Variants in SH3PXD2A observed in about 807,000 individuals in gnomAD.
SH3PXD2A encodes SH3 and PX domains 2A, also known as SH3 and PX domain-containing protein 2A.
SH3PXD2A carries 32 observed loss-of-function variants against 115.2 expected under a neutral mutation model. The observed-to-expected ratio is 0.28, with a 90% CI of 0.21 to 0.37. The LOEUF (loss-of-function observed/expected upper bound fraction) is 0.37. Ranked by LOEUF, SH3PXD2A falls within the 10% of genes least tolerant of loss-of-function variation. The pLI is 1.00. For synonymous variants in SH3PXD2A, 610 were observed against 629.1 expected (o/e 0.97, Z 0.45); for missense variants, 1,328 against 1,498.7 (o/e 0.89, Z 1.88).
chr10:103,710,121 A>G (rs1400561257), intron 5 of SH3PXD2A, among the ~76,000 whole-genome samples: 4 of 137,170 alleles, frequency 2.9e-5, no homozygotes, highest in Non-Finnish European at 6.3e-5. Flanking sequence ...CTCTGGGCAC[A>G]GTAGCTCACA....
chr10:103,673,283 G>C (rs1410899127), intron 6 of SH3PXD2A: 1 of 152,108 alleles, frequency 6.6e-6, no homozygotes, highest in African/African-American at 2.4e-5. Context: ...AATAATAAAG[G>C]CTGGGCATGG....
intron 3 of SH3PXD2A, among the ~76,000 whole-genome samples, chr10:103,758,652 A>C (rs944189078): frequency 6.6e-6 from 1 of 152,262 alleles, no homozygotes; most frequent in Admixed American, 6.5e-5. Flanking sequence ...TGCTGACAGC[A>C]GGCCCTGAAA....
At chr10:103,650,352 C>T (rs978621753) in intron 8 of SH3PXD2A, among the ~76,000 whole-genome samples, 5 of 152,210 alleles carry the variant, frequency 3.3e-5, no homozygotes, top group African/African-American at 1.2e-4. Flanking sequence ...ATGCTGGGCA[C>T]GTGGCTTCAC....
rs1322648198 is a variant in SH3PXD2A, at chr10:103,808,248, CT to C, written c.73-6887del. ...AAAGGCCCTGGTGTTAAAGACCCCTCTTTTTTTTTCTTTTTTTTTTTGAGAC... is the reference window on the plus strand; with the variant it reads ...AAAGGCCCTGGTGTTAAAGACCCCTCTTTTTTTTCTTTTTTTTTTTGAGAC... On this transcript the variant is annotated intron_variant, in intron 1 of 14. Transcript: ENST00000369774. Among the ~76,000 whole-genome samples the C allele has an allele frequency of 1.6e-3, 241 of 148,110 alleles. 1 individual carries two copies. Among genetic ancestry groups the C allele is most frequent in the African/African-American group, 5.7e-3 (223 of 38,808 alleles).
At chr10:103,695,746 C>T (rs1030826164) in intron 5 of SH3PXD2A, among the ~76,000 whole-genome samples, 1 of 152,200 alleles carries the variant, frequency 6.6e-6, no homozygotes, top group South Asian at 2.1e-4. Flanking sequence ...CATCAGGCCT[C>T]CAGCCACCCC....
At chr10:103,677,338 G>A (rs1351939205) in intron 6 of SH3PXD2A, among the ~76,000 whole-genome samples, 1 of 152,212 alleles carries the variant, frequency 6.6e-6, no homozygotes, top group Non-Finnish European at 1.5e-5. Context: ...AGTCATGTAG[G>A]TTTGGGGAGA....
At chr10:103,828,563 G>C (rs954941772) in intron 1 of SH3PXD2A, among the ~76,000 whole-genome samples, 2 of 152,196 alleles carry the variant, frequency 1.3e-5, no homozygotes, top group Non-Finnish European at 2.9e-5. Context: ...CCTGGTGGTG[G>C]AAAGTGGGTG....
In SH3PXD2A at chr10:103,724,350, C is replaced by T; in HGVS notation, c.318G>A (p.Arg106=). Residue 106 remains arginine (R), a synonymous_variant, in exon 5 of 15, where the codon CGG becomes CGA. Transcript: ENST00000369774. ...PIDEYCRALV[R]LPPHISQCDE... is the part of the protein sequence containing the mutation. ...CACACTGTGAGATGTGGGGGGGCAG[C>T]CGGACAAGTGCCTGTGGAGAGACAG... 6.3e-7 allele frequency: 1 copy of T among 1,577,822 alleles called. No individual in the cohort carries two copies. Among genetic ancestry groups the T allele is most frequent in the East Asian group, 2.4e-5 (1 of 41,334 alleles).
chr10:103,806,011 C>T (rs537004421), intron 1 of SH3PXD2A, among the ~76,000 whole-genome samples: 11 of 152,356 alleles, frequency 7.2e-5, no homozygotes, highest in East Asian at 3.9e-4. Flanking sequence ...CACAGCCACC[C>T]GGCTAGGATA....
At chr10:103,811,480 C>T (rs2039270329) in intron 1 of SH3PXD2A, among the ~76,000 whole-genome samples, 1 of 152,228 alleles carries the variant, frequency 6.6e-6, no homozygotes, top group South Asian at 2.1e-4. Context: ...GTCTCCAGTT[C>T]ATAAGTGAAG....
intron 8 of SH3PXD2A, among the ~76,000 whole-genome samples, chr10:103,656,062 C>T (rs1398965757): frequency 1.3e-5 from 2 of 152,230 alleles, no homozygotes; most frequent in Non-Finnish European, 2.9e-5. Flanking sequence ...TTGATTTCTA[C>T]TTATATCACA....
chr10:103,597,027 A>T lies in SH3PXD2A; in HGVS notation c.*4789T>A, dbSNP rs1482773868. ...TTGCTTTCTCTACCGGTGCTGAGGA[A>T]GGAGGCCAGATTGGTACCTGTTGTG... On this transcript the variant is annotated 3_prime_UTR_variant, in exon 15 of 15. Transcript: ENST00000369774. 6.6e-6 allele frequency: 1 copy of T among 152,648 alleles called. No homozygotes were observed. Among genetic ancestry groups the T allele is most frequent in the Non-Finnish European group, 1.5e-5 (1 of 68,044 alleles). 9.5% of individuals were successfully genotyped at this position (152,648 alleles called of 1,614,324 possible). A position where few individuals can be genotyped will look rare whatever the true frequency, so the allele number is the denominator to read the frequency against.
rs1036905147 is a variant in SH3PXD2A, at chr10:103,665,614, G to A, written c.472+2994C>T. Among the ~76,000 whole-genome samples, 2 of 152,204 alleles carry A rather than the reference G, an allele frequency of 1.3e-5. No individual in the cohort carries two copies. The highest frequency in any genetic ancestry group is 6.5e-5 in the Admixed American group (1 of 15,286). ...CCCTCTGGCAGCTGCCTCTTAGGGT[G>A]TTCCCTGGCCAGGGCAGCCGGGCGG... On this transcript the variant is annotated intron_variant, in intron 7 of 14. Coordinates refer to ENST00000369774, the MANE Select transcript of SH3PXD2A (RefSeq NM_001394015.1). The surrounding 1 kb of genome is among the most constrained non-coding windows in gnomAD (Gnocchi z 4.0).
intron 5 of SH3PXD2A, among the ~76,000 whole-genome samples, chr10:103,710,824 C>A (rs2038038526): frequency 6.6e-6 from 1 of 152,016 alleles, no homozygotes; most frequent in Non-Finnish European, 1.5e-5. Context: ...TGGCTTGAGT[C>A]CAGGAGTTCA....
chr10:103,744,231 G>A (rs1288563770), intron 3 of SH3PXD2A, among the ~76,000 whole-genome samples: 1 of 147,900 alleles, frequency 6.8e-6, no homozygotes, highest in Non-Finnish European at 1.5e-5. Flanking sequence ...TCGGCTCACC[G>A]CAACCTCCAC....
At chr10:103,618,251 C>A (rs1483388078) in intron 10 of SH3PXD2A, among the ~76,000 whole-genome samples, 1 of 152,196 alleles carries the variant, frequency 6.6e-6, no homozygotes, top group Non-Finnish European at 1.5e-5. Flanking sequence ...TTTCTTTCAG[C>A]CTCTCTCCTG....
At chr10:103,635,480 G>A (rs1335700081) in intron 8 of SH3PXD2A, among the ~76,000 whole-genome samples, 1 of 152,226 alleles carries the variant, frequency 6.6e-6, no homozygotes, top group Non-Finnish European at 1.5e-5. Flanking sequence ...CTTCTTGCCT[G>A]GAGTGCCCTT....
chr10:103,754,508 T>C (rs547456443), intron 3 of SH3PXD2A: 1 of 152,292 alleles, frequency 6.6e-6, no homozygotes, highest in South Asian at 2.1e-4. Flanking sequence ...AGAGAGTTCA[T>C]GAGCCAGTCT....
At chr10:103,619,952 C>G (rs2036578307) in intron 10 of SH3PXD2A, among the ~76,000 whole-genome samples, 1 of 152,214 alleles carries the variant, frequency 6.6e-6, no homozygotes, top group South Asian at 2.1e-4. Flanking sequence ...GGGTTTCCAC[C>G]CAGTTGGCTC....
Sources: gnomAD v4.1 joint callset for allele counts (sites outside exome capture counted in the v4.1 genomes callset) on GRCh38, gnomAD v4.1.1 for gene constraint, Gnocchi (gnomAD v3.1) non-coding constraint, MANE v1.5 for transcripts, NCBI Gene and HGNC (gene_info 2026-07-23, HGNC 2026-07-21) for gene names.